Variants in NSD1 observed in about 807,000 individuals in gnomAD.
NSD1 encodes the protein nuclear receptor binding SET domain protein 1, also known as histone-lysine N-methyltransferase, H3 lysine-36 specific.
NSD1 carries 26 observed loss-of-function variants against 242.7 expected under a neutral mutation model. The ratio of observed to expected loss-of-function variants is 0.11; its 90% CI spans 0.08 to 0.15. The LOEUF is 0.15. Among genes scored for constraint, NSD1 ranks in the 10% least tolerant of loss-of-function variants. The pLI, the probability that NSD1 is intolerant of heterozygous loss-of-function variation, is 1.00. For missense variants in NSD1, 2,495 were observed against 3,272.8 expected (o/e 0.76, Z 5.80); for synonymous variants, 1,106 against 1,178.1 (o/e 0.94, Z 1.25).
Position 177,135,132 on chromosome 5 carries a change from G to T in NSD1, c.29G>T (p.Arg10Ile), listed in dbSNP as rs1581089074. 1 of 1,614,190 alleles carries T rather than the reference G, an allele frequency of 6.2e-7. No homozygotes were observed. Among genetic ancestry groups the T allele is most frequent in the South Asian group, 1.1e-5 (1 of 91,082 alleles). Residue 10 changes from arginine to isoleucine, a missense_variant, in exon 2 of 23, where the codon AGA becomes ATA. By Grantham distance (97) the Arg-to-Ile change is moderately conservative (BLOSUM62 -3). Transcript: ENST00000439151. Reference protein sequence around the residue: MDQTCELPRRNCLLPFSNPV... With the variant: MDQTCELPRINCLLPFSNPV... ...GATCAGACCTGTGAACTACCCAGAA[G>T]AAATTGTCTGCTGCCCTTTTCCAAT...
chr5:177,183,625 T>C (rs1006031584), intron 2 of NSD1, among the ~76,000 whole-genome samples: 1 of 152,210 alleles, frequency 6.6e-6, no homozygotes, highest in Non-Finnish European at 1.5e-5. Context: ...TGTGTTACAA[T>C]CTAATTATAC....
chr5:177,154,285 T>C (rs1043625796), intron 2 of NSD1, among the ~76,000 whole-genome samples: 1 of 151,938 alleles, frequency 6.6e-6, no homozygotes, highest in Non-Finnish European at 1.5e-5. Flanking sequence ...ACCAAGCAGA[T>C]AGGGAAGGGA....
chr5:177,295,476 A>G lies in NSD1; in HGVS notation c.*17A>G. On this transcript the variant is annotated 3_prime_UTR_variant, in exon 23 of 23. Coordinates refer to ENST00000439151, the MANE Select transcript of NSD1 (RefSeq NM_022455.5). This position sits in a 1 kb window ranked among gnomAD's most constrained non-coding sequence, Gnocchi z 4.3. ...CAGAAGTAGTACCAATCAATGTCACATGAACAAACAAGCTGCCCCCAGGGT... is the reference window on the plus strand; with the variant it reads ...CAGAAGTAGTACCAATCAATGTCACGTGAACAAACAAGCTGCCCCCAGGGT... The G allele has an allele frequency of 1.2e-6, 2 of 1,613,050 alleles. No individual in the cohort carries two copies. The highest frequency in any genetic ancestry group is 1.1e-5 in the South Asian group (1 of 91,012).
At chr5:177,146,781 A>T (rs1304719916) in intron 2 of NSD1, among the ~76,000 whole-genome samples, 1 of 151,762 alleles carries the variant, frequency 6.6e-6, no homozygotes, top group Non-Finnish European at 1.5e-5. Context: ...AGGCGGCTGG[A>T]TCACCTGAGG....
intron 2 of NSD1, among the ~76,000 whole-genome samples, chr5:177,174,168 C>T (rs1759974611): frequency 6.6e-6 from 1 of 152,036 alleles, no homozygotes; most frequent in Non-Finnish European, 1.5e-5. Context: ...AGATCGAGAC[C>T]ATCCTGGCCA....
chr5:177,191,345 TGTCTGAAA>T (rs1761680941), intron 2 of NSD1, among the ~76,000 whole-genome samples: 1 of 152,164 alleles, frequency 6.6e-6, no homozygotes, highest in Admixed American at 6.5e-5. Context: ...CTGGGGCTTA[TGTCTGAAA>T]GTAAAGTGTT....
At chr5:177,281,341 T>C (rs1330418881) in intron 18 of NSD1, among the ~76,000 whole-genome samples, 1 of 148,442 alleles carries the variant, frequency 6.7e-6, no homozygotes, top group Admixed American at 6.6e-5. Flanking sequence ...GTCTTTTTTT[T>C]TTTTTTAATA....
chr5:177,277,957 G>T (rs1398641252), intron 17 of NSD1, among the ~76,000 whole-genome samples: 1 of 152,236 alleles, frequency 6.6e-6, no homozygotes, highest in Non-Finnish European at 1.5e-5. Context: ...ATGTTCAAAT[G>T]CCCTATTCAG....
intron 21 of NSD1, among the ~76,000 whole-genome samples, chr5:177,290,509 G>A (rs1759735994): frequency 6.6e-6 from 1 of 151,260 alleles, no homozygotes; most frequent in Non-Finnish European, 1.5e-5. Flanking sequence ...CCAGGTTCAA[G>A]TGATTCTCCT....
At chr5:177,169,078 C>CT (rs1468236673) in intron 2 of NSD1, among the ~76,000 whole-genome samples, 1 of 152,174 alleles carries the variant, frequency 6.6e-6, no homozygotes, top group African/African-American at 2.4e-5. Context: ...CATTGATTTG[C>CT]TGAGAATACT....
chr5:177,182,324 AAAAC>A (rs1314374871), intron 2 of NSD1, among the ~76,000 whole-genome samples: 1 of 152,172 alleles, frequency 6.6e-6, no homozygotes, highest in African/African-American at 2.4e-5. Flanking sequence ...TGTCTCAGCA[AAAAC>A]AAACAAACAA....
chr5:177,188,620 A>T (rs1376680467), intron 2 of NSD1, among the ~76,000 whole-genome samples: 2 of 152,168 alleles, frequency 1.3e-5, no homozygotes, highest in Non-Finnish European at 2.9e-5. Context: ...CAGTGTATGT[A>T]TAGCTCTGTT....
At chr5:177,198,749 C>T (rs1396885885) in intron 3 of NSD1, among the ~76,000 whole-genome samples, 5 of 152,224 alleles carry the variant, frequency 3.3e-5, no homozygotes, top group Admixed American at 6.5e-5. Flanking sequence ...TTTAAATTGT[C>T]GTCAGTAAGC....
At chr5:177,143,482 T>C (rs1051639878) in intron 2 of NSD1, among the ~76,000 whole-genome samples, 3 of 151,888 alleles carry the variant, frequency 2.0e-5, no homozygotes, top group African/African-American at 7.3e-5. Flanking sequence ...CCACCACGCC[T>C]GGCTAATTTT....
At chr5:177,205,024 G>GT (rs1426751571) in intron 4 of NSD1, among the ~76,000 whole-genome samples, 3 of 151,836 alleles carry the variant, frequency 2.0e-5, no homozygotes, top group Non-Finnish European at 1.5e-5. Context: ...GAATAATGTG[G>GT]TTTTTTTGTT....
chr5:177,143,966 G>A (rs1384193460), intron 2 of NSD1, among the ~76,000 whole-genome samples: 2 of 151,720 alleles, frequency 1.3e-5, no homozygotes, highest in East Asian at 1.9e-4. Context: ...TGTGTTTTTA[G>A]TAGAGATGGG....
chr5:177,266,436 G>C, intron 14 of NSD1: 1 of 616,774 alleles, frequency 1.6e-6, no homozygotes, highest in Non-Finnish European at 3.0e-6. Context: ...CTTTAAAGAG[G>C]TGGCGGTTGT....
chr5:177,178,565 A>G (rs1252555499), intron 2 of NSD1, among the ~76,000 whole-genome samples: 1 of 151,870 alleles, frequency 6.6e-6, no homozygotes, highest in East Asian at 1.9e-4. Flanking sequence ...ATTAAGAAAA[A>G]CCCCTAAAAA....
chr5:177,176,111 A>G (rs13165158), intron 2 of NSD1, among the ~76,000 whole-genome samples: 76 of 152,238 alleles, frequency 5.0e-4, no homozygotes, highest in African/African-American at 1.7e-3. Flanking sequence ...CCTGACCTGA[A>G]GTGATCTACC....
Sources: gnomAD v4.1 joint callset for allele counts (sites outside exome capture counted in the v4.1 genomes callset) on GRCh38, gnomAD v4.1.1 for gene constraint, Gnocchi (gnomAD v3.1) non-coding constraint, MANE v1.5 for transcripts, NCBI Gene and HGNC (gene_info 2026-07-23, HGNC 2026-07-21) for gene names.